ANKRD45: variants seen among roughly 807,000 people sequenced by gnomAD.
ANKRD45 encodes the protein ankyrin repeat domain 45, also known as ankyrin repeat domain-containing protein 45.
Under a neutral mutation model 28.1 loss-of-function variants are expected in ANKRD45, and 21 were observed. The ratio of observed to expected loss-of-function variants is 0.75; its 90% CI spans 0.53 to 1.08. ANKRD45 has a LOEUF of 1.08. Ranked by LOEUF, ANKRD45 falls within the 50% of genes least tolerant of loss-of-function variation. The probability of loss-of-function intolerance (pLI) is 0.00; values close to 1 mark genes in which losing one functional copy is unlikely to be tolerated. For synonymous variants in ANKRD45, 86 were observed against 103.9 expected (o/e 0.83, Z 1.05); for missense variants, 261 against 308.7 (o/e 0.85, Z 1.16).
chr1:173,704,634 C>A, the ANKRD45 span, among the ~76,000 whole-genome samples: 1 of 152,160 alleles, frequency 6.6e-6, no homozygotes, highest in Non-Finnish European at 1.5e-5. Flanking sequence ...AATTGCACTT[C>A]AGTTGTGCCA....
chr1:173,616,727 G>T (rs76315652), intron 5 of ANKRD45, among the ~76,000 whole-genome samples: 12,032 of 152,234 alleles, frequency 0.079, 722 homozygotes, highest in East Asian at 0.32. Flanking sequence ...TTAAAATGCT[G>T]CCAAGAGGAA....
chr1:173,663,054 AAC>A (rs60072209), intron 1 of ANKRD45, among the ~76,000 whole-genome samples: 1,461 of 140,008 alleles, frequency 0.01, 27 homozygotes, highest in East Asian at 0.094. Flanking sequence ...CCACCCTTCC[AAC>A]ACACACACAC....
chr1:173,630,844 A>AAAG (rs1668161653), intron 3 of ANKRD45, among the ~76,000 whole-genome samples: 1 of 134,402 alleles, frequency 7.4e-6, no homozygotes, highest in African/African-American at 2.8e-5. Flanking sequence ...AAAAAAAAAA[A>AAAG]AGAGAGAGAG....
chr1:173,612,320 GA>G (rs1667199160), intron 5 of ANKRD45, among the ~76,000 whole-genome samples: 3 of 26,062 alleles, frequency 1.2e-4, no homozygotes, highest in Non-Finnish European at 2.1e-4. Context: ...AGGAAGGAAA[GA>G]AGGAAGGAAG....
At chr1:173,691,036 T>A in the ANKRD45 span, among the ~76,000 whole-genome samples, 2 of 152,204 alleles carry the variant, frequency 1.3e-5, no homozygotes, top group African/African-American at 4.8e-5. Flanking sequence ...CCAGTGGGGA[T>A]GTCTCACCTC....
At chr1:173,618,448 C>G (rs900170053) in intron 5 of ANKRD45, among the ~76,000 whole-genome samples, 2 of 152,154 alleles carry the variant, frequency 1.3e-5, no homozygotes, top group African/African-American at 4.8e-5. Context: ...GGGAGCATAA[C>G]TGACCTGATG....
chr1:173,677,435 G>C, the ANKRD45 span, among the ~76,000 whole-genome samples: 2 of 152,264 alleles, frequency 1.3e-5, no homozygotes, highest in East Asian at 3.9e-4. Context: ...TTGCATCAGT[G>C]TGCCATTGAT....
the ANKRD45 span, among the ~76,000 whole-genome samples, chr1:173,678,994 G>C: frequency 6.6e-6 from 1 of 152,028 alleles, no homozygotes; most frequent in South Asian, 2.1e-4. Flanking sequence ...ATTACAACAG[G>C]TGTGAAGGAC....
chr1:173,658,218 G>A (rs1428103904), intron 2 of ANKRD45: 2 of 198,326 alleles, frequency 1.0e-5, no homozygotes, highest in Non-Finnish European at 2.2e-5. Flanking sequence ...CAGCTACTCA[G>A]GAAGCTAAGG....
chr1:173,654,841 T>G (rs550292806), intron 2 of ANKRD45, among the ~76,000 whole-genome samples: 1 of 152,326 alleles, frequency 6.6e-6, no homozygotes, highest in East Asian at 1.9e-4. Flanking sequence ...TTTATTTCAT[T>G]AATTTGATCT....
intron 1 of ANKRD45, among the ~76,000 whole-genome samples, chr1:173,660,480 C>A (rs1332787716): frequency 6.6e-6 from 1 of 152,194 alleles, no homozygotes. Flanking sequence ...ATGTCCCACC[C>A]CTGCCTCCTG....
In ANKRD45 at chr1:173,609,641, G is replaced by A. The variant is rs1330578688; in HGVS notation, c.*504C>T. 6.5e-6 allele frequency: 1 copy of A among 153,948 alleles called. No individual in the cohort carries two copies. Among genetic ancestry groups the A allele is most frequent in the Non-Finnish European group, 1.4e-5 (1 of 69,376 alleles). 9.5% of individuals were successfully genotyped at this position (153,948 alleles called of 1,614,324 possible). On this transcript the variant is annotated 3_prime_UTR_variant, in exon 6 of 6. Coordinates refer to ENST00000333279, the MANE Select transcript of ANKRD45 (RefSeq NM_198493.3). ...AAGATAAAGAGGGGTTTTACTCAGA[G>A]GTATACCCCACCTCACAGGTGAAAT...
the ANKRD45 span, among the ~76,000 whole-genome samples, chr1:173,699,156 G>C: frequency 1.3e-5 from 2 of 152,050 alleles, no homozygotes; most frequent in Non-Finnish European, 2.9e-5. Context: ...ACAATAACAG[G>C]ATCTGAAATT....
chr1:173,647,145 A>G, intron 2 of ANKRD45, 132 bp from the exon 3 acceptor site: 1 of 765,942 alleles, frequency 1.3e-6, no homozygotes, highest in Non-Finnish European at 1.9e-6. Flanking sequence ...TAACTGTCTT[A>G]CATATAGAAA....
intron 5 of ANKRD45, among the ~76,000 whole-genome samples, chr1:173,613,354 G>C (rs1667276563): frequency 6.6e-6 from 1 of 150,962 alleles, no homozygotes; most frequent in African/African-American, 2.4e-5. Context: ...CCTCCGCCCA[G>C]CAGCCGCCCC....
intron 2 of ANKRD45, 63 bp downstream of exon 2, chr1:173,659,028 G>T: frequency 6.4e-7 from 1 of 1,557,936 alleles, no homozygotes; most frequent in South Asian, 1.2e-5. Context: ...TAACCTTAAA[G>T]ATATTACATT....
chr1:173,655,245 G>A (rs1401633105), intron 2 of ANKRD45, among the ~76,000 whole-genome samples: 1 of 152,112 alleles, frequency 6.6e-6, no homozygotes, highest in Non-Finnish European at 1.5e-5. Flanking sequence ...TCTACCTTTG[G>A]TGTTTGACGT....
chr1:173,624,546 C>A (rs1210944416), intron 5 of ANKRD45, among the ~76,000 whole-genome samples: 1 of 151,024 alleles, frequency 6.6e-6, no homozygotes. Context: ...AATTTAATGA[C>A]TGATGATGGT....
chr1:173,682,986 G>A, the ANKRD45 span, among the ~76,000 whole-genome samples: 83 of 150,534 alleles, frequency 5.5e-4, no homozygotes, highest in Admixed American at 2.8e-3. Flanking sequence ...CACCACACCA[G>A]CTTTTTTTGT....
Sources: allele counts gnomAD v4.1 joint callset (sites outside exome capture counted in the v4.1 genomes callset), GRCh38; gene constraint gnomAD v4.1.1; transcripts MANE v1.5; gene names NCBI Gene and HGNC (gene_info 2026-07-23, HGNC 2026-07-21).